The following OSBPL1A variants were observed in gnomAD, a reference collection of about 807,000 sequenced individuals.
OSBPL1A encodes oxysterol binding protein like 1A.
A neutral mutation model predicts 137.1 loss-of-function variants in OSBPL1A; 80 were observed. The observed-to-expected ratio is 0.58, with a 90% confidence interval of 0.49 to 0.70. The LOEUF is 0.70. OSBPL1A is among the 30% of genes least tolerant of loss of function. The pLI, the probability that OSBPL1A is intolerant of heterozygous loss-of-function variation, is 0.00. For missense variants in OSBPL1A, 970 were observed against 1,129.4 expected (o/e 0.86, Z 2.02); for synonymous variants, 365 against 389.7 (o/e 0.94, Z 0.75).
intron 4 of OSBPL1A, among the ~76,000 whole-genome samples, chr18:24,362,814 CA>C (rs1361862354): frequency 6.6e-6 from 1 of 152,144 alleles, no homozygotes. Context: ...ACAAAATTGT[CA>C]AAACTAACCA....
At chr18:24,197,155 C>T (rs1316820324) in intron 17 of OSBPL1A, among the ~76,000 whole-genome samples, 1 of 152,168 alleles carries the variant, frequency 6.6e-6, no homozygotes, top group Non-Finnish European at 1.5e-5. Flanking sequence ...TAAGACCAGC[C>T]TGGGCAACAT....
chr18:24,224,641 T>C (rs1246396672), intron 17 of OSBPL1A, among the ~76,000 whole-genome samples: 3 of 152,230 alleles, frequency 2.0e-5, no homozygotes, highest in Non-Finnish European at 4.4e-5. Context: ...ACTGGCAACA[T>C]TGCCACTCAT....
intron 5 of OSBPL1A, among the ~76,000 whole-genome samples, chr18:24,338,679 T>A (rs111733057): frequency 2.6e-5 from 4 of 152,298 alleles, no homozygotes; most frequent in African/African-American, 7.2e-5. Flanking sequence ...AAAACATTTC[T>A]TGTCTCTCCA....
rs903655019 is a variant in OSBPL1A, at chr18:24,334,308, T to C, written c.417A>G (p.Arg139=). ...CTGCTAAAAGTAATTCTTCAAGCTT[T>C]CTTTGTTGAGTCCTTTCTACAGCTG... The part of the protein sequence containing the change: ...MLEAVERTQQ[R]KLEELLLAAA... Residue 139 remains arginine (R), a synonymous_variant, in exon 6 of 28, where the codon AGA becomes AGG. Coordinates refer to ENST00000319481, the MANE Select transcript of OSBPL1A (RefSeq NM_080597.4). The C allele has an allele frequency of 1.2e-6, 2 of 1,611,972 alleles. No individual in the cohort carries two copies. Among genetic ancestry groups the C allele is most frequent in the African/African-American group, 1.3e-5 (1 of 74,828 alleles).
At chr18:24,250,737 A>C (rs1044183695) in intron 15 of OSBPL1A, among the ~76,000 whole-genome samples, 1 of 152,182 alleles carries the variant, frequency 6.6e-6, no homozygotes, top group Non-Finnish European at 1.5e-5. Flanking sequence ...GGAAAGGTAA[A>C]GGGACTTTGT....
intron 17 of OSBPL1A, among the ~76,000 whole-genome samples, chr18:24,202,999 C>CA: frequency 6.6e-6 from 1 of 152,218 alleles, no homozygotes; most frequent in South Asian, 2.1e-4. Flanking sequence ...TTTTTGGAGA[C>CA]AGAGTTTCGC....
At chr18:24,386,628 G>T (rs928953226) in intron 1 of OSBPL1A, among the ~76,000 whole-genome samples, 1 of 152,122 alleles carries the variant, frequency 6.6e-6, no homozygotes, top group Non-Finnish European at 1.5e-5. Context: ...GAGGAGACTG[G>T]CACCTTCTCT....
intron 1 of OSBPL1A, among the ~76,000 whole-genome samples, chr18:24,380,712 G>A (rs1416340282): frequency 6.6e-6 from 1 of 152,220 alleles, no homozygotes; most frequent in African/African-American, 2.4e-5. Flanking sequence ...AACACTTTGG[G>A]AGACTGAGGC....
intron 14 of OSBPL1A, among the ~76,000 whole-genome samples, chr18:24,293,104 CAAAAAA>C (rs1172730345): frequency 4.5e-5 from 3 of 66,386 alleles, no homozygotes; most frequent in Admixed American, 2.2e-4. Context: ...ACTCCCGTCT[CAAAAAA>C]AAAAAAAAAA....
intron 19 of OSBPL1A, 48 bp from the exon 20 acceptor site, chr18:24,179,883 C>T (rs528645938): frequency 1.1e-5 from 17 of 1,488,480 alleles, no homozygotes; most frequent in East Asian, 6.8e-5. Flanking sequence ...GAGCTCGCTC[C>T]GCATTCTTTT....
chr18:24,165,720 C>G lies in OSBPL1A; in HGVS notation c.2660-565G>C, dbSNP rs1163394360. ...CCTCCTAAAAAGTGACAACCAAAGT[C>G]TTCAGACTTTGCTACATGTCTCCTT... On this transcript the variant is annotated intron_variant, in intron 26 of 27. Transcript: ENST00000319481. 1.3e-5 allele frequency among the ~76,000 whole-genome samples: 2 copies of G among 152,176 alleles called. 1 individual carries two copies. Among genetic ancestry groups the G allele is most frequent in the African/African-American group, 4.8e-5 (2 of 41,456 alleles).
chr18:24,206,524 C>T (rs4800180), intron 17 of OSBPL1A, among the ~76,000 whole-genome samples: 125,115 of 152,236 alleles, frequency 0.82, 51,486 homozygotes, highest in East Asian at 0.99. Context: ...ATTAAAATGA[C>T]GAAAGAACAT....
chr18:24,354,017 T>C (rs949812958), intron 4 of OSBPL1A, among the ~76,000 whole-genome samples: 3 of 151,596 alleles, frequency 2.0e-5, no homozygotes, highest in African/African-American at 7.3e-5. Context: ...TGTATACATA[T>C]GTAACAAACC....
chr18:24,315,824 A>T (rs1412526846), intron 11 of OSBPL1A, among the ~76,000 whole-genome samples: 1 of 115,224 alleles, frequency 8.7e-6, no homozygotes, highest in African/African-American at 3.5e-5. Flanking sequence ...TAAAATATAT[A>T]ATATATAGTA....
intron 4 of OSBPL1A, among the ~76,000 whole-genome samples, chr18:24,363,260 C>A (rs535857174): frequency 6.6e-6 from 1 of 152,184 alleles, no homozygotes; most frequent in East Asian, 1.9e-4. Flanking sequence ...TGGGAAAAAT[C>A]AAGGTGTTGC....
At chr18:24,295,764 T>C (rs2090278672) in intron 14 of OSBPL1A, among the ~76,000 whole-genome samples, 1 of 152,166 alleles carries the variant, frequency 6.6e-6, no homozygotes, top group Non-Finnish European at 1.5e-5. Context: ...CTTTCCCCAA[T>C]TTATGTTTTT....
rs543867145 is a variant in OSBPL1A at position 24,258,925 on chromosome 18, C to CTTT, written c.1282-19546_1282-19544dup. 7.0e-3 allele frequency among the ~76,000 whole-genome samples: 650 copies of CTTT among 92,738 alleles called. 45 individuals are homozygous for CTTT. Among genetic ancestry groups the CTTT allele is most frequent in the Non-Finnish European group, 9.3e-3 (448 of 48,428 alleles). The allele number at this position is 92,738 out of a possible 152,430, so 60.8% of individuals were successfully genotyped here. On this transcript the variant is annotated intron_variant, in intron 15 of 27. Transcript: ENST00000319481. ...TTAAAGTCTATTTTTAAAATTACAT[C>CTTT]TTTTTTTTTTTTTTTTTTTTTTTTT...
intron 1 of OSBPL1A, among the ~76,000 whole-genome samples, chr18:24,380,636 C>T (rs1286921484): frequency 6.6e-6 from 1 of 152,240 alleles, no homozygotes; most frequent in South Asian, 2.1e-4. Context: ...CACAAGGCCT[C>T]GCTCAGTAGC....
rs747657911 is a variant in OSBPL1A at position 24,181,169 on chromosome 18, G to A, written c.1788C>T (p.Leu596=). The change falls in exon 19 of 28, where the codon CTC becomes CTT. Residue 596 remains leucine (L), a synonymous_variant. Transcript: ENST00000319481. ...CCTGCATCCTTTCCACAGGATCAGA[G>A]AGTGAACTGGCCTTGTGGATGAGGT... is the stretch of plus-strand genomic sequence containing the variant. ...HTYLIHKASS[L]SDPVERMQCV... The A allele has an allele frequency of 5.0e-6, 8 of 1,614,094 alleles. No homozygotes were observed. The highest frequency in any genetic ancestry group is 2.2e-5 in the East Asian group (1 of 44,878).
Sources: allele counts gnomAD v4.1 joint callset (sites outside exome capture counted in the v4.1 genomes callset), GRCh38; gene constraint gnomAD v4.1.1; transcripts MANE v1.5; gene names NCBI Gene and HGNC (gene_info 2026-07-23, HGNC 2026-07-21).